FSIP1: variants seen among roughly 807,000 people sequenced by gnomAD.
FSIP1 encodes fibrous sheath-interacting protein 1.
Under a neutral mutation model 60.9 loss-of-function variants are expected in FSIP1, and 65 were observed. The ratio of observed to expected loss-of-function variants is 1.07; its 90% CI spans 0.87 to 1.31. The LOEUF (loss-of-function observed/expected upper bound fraction) is 1.31, where lower values mean the gene tolerates loss of function less well. Among genes scored for constraint, FSIP1 ranks in the 40% most tolerant of loss-of-function variants. The pLI, the probability that FSIP1 is intolerant of heterozygous loss-of-function variation, is 0.00. For synonymous variants in FSIP1, 209 were observed against 221.2 expected, an observed-to-expected ratio of 0.94 and a Z score of 0.49; for missense variants, 675 against 665.5, an observed-to-expected ratio of 1.01 and a Z score of -0.16.
chr15:39,695,346 T>G (rs1457860322), intron 10 of FSIP1, among the ~76,000 whole-genome samples: 2 of 151,700 alleles, frequency 1.3e-5, no homozygotes, highest in Non-Finnish European at 2.9e-5. Context: ...TCTGCTTGCC[T>G]CACTCTGCTC....
At chr15:39,625,844 A>AC (rs1383593594) in intron 10 of FSIP1, among the ~76,000 whole-genome samples, 1 of 152,000 alleles carries the variant, frequency 6.6e-6, no homozygotes, top group Non-Finnish European at 1.5e-5. Context: ...AACCTACTCC[A>AC]CCCCCTACTC....
intron 9 of FSIP1, among the ~76,000 whole-genome samples, chr15:39,722,067 G>T (rs1186786730): frequency 6.6e-6 from 1 of 152,144 alleles, no homozygotes; most frequent in African/African-American, 2.4e-5. Flanking sequence ...AACTGTATTT[G>T]CAGCTGCTCC....
chr15:39,721,399 T>C (rs1205036467), intron 9 of FSIP1, among the ~76,000 whole-genome samples: 1 of 152,264 alleles, frequency 6.6e-6, no homozygotes, highest in Non-Finnish European at 1.5e-5. Context: ...TTCCTTTCTC[T>C]GTGCTCCCGC....
chr15:39,649,009 T>C (rs1010841943), intron 10 of FSIP1, among the ~76,000 whole-genome samples: 6 of 152,034 alleles, frequency 3.9e-5, no homozygotes, highest in African/African-American at 1.4e-4. Flanking sequence ...GGAATGGAAA[T>C]CTTTATCCAG....
intron 9 of FSIP1, among the ~76,000 whole-genome samples, chr15:39,721,078 G>A (rs1895949557): frequency 6.6e-6 from 1 of 152,182 alleles, no homozygotes; most frequent in African/African-American, 2.4e-5. Context: ...GCATCTATAT[G>A]AGAACATCAC....
chr15:39,614,113 A>AT (rs1891130929), intron 11 of FSIP1, among the ~76,000 whole-genome samples: 1 of 152,190 alleles, frequency 6.6e-6, no homozygotes, highest in Non-Finnish European at 1.5e-5. Flanking sequence ...AAGGCATCCT[A>AT]ATAGGAAATG....
At chr15:39,663,650 T>C (rs1350717238) in intron 10 of FSIP1, among the ~76,000 whole-genome samples, 1 of 152,108 alleles carries the variant, frequency 6.6e-6, no homozygotes, top group Non-Finnish European at 1.5e-5. Context: ...TCATTGAAGG[T>C]AACTTGGGCA....
intron 10 of FSIP1, among the ~76,000 whole-genome samples, chr15:39,629,128 G>A (rs1039632268): frequency 3.9e-5 from 6 of 152,112 alleles, no homozygotes; most frequent in Non-Finnish European, 7.4e-5. Flanking sequence ...ACCAGGAATG[G>A]AGCTTTATGG....
chr15:39,658,270 T>C (rs2140447758), intron 10 of FSIP1, among the ~76,000 whole-genome samples: 1 of 148,714 alleles, frequency 6.7e-6, no homozygotes, highest in African/African-American at 2.5e-5. Flanking sequence ...TTTTTTTTTT[T>C]TTGAGATGGA....
chr15:39,630,249 A>T (rs1465488418), intron 10 of FSIP1, among the ~76,000 whole-genome samples: 1 of 152,266 alleles, frequency 6.6e-6, no homozygotes, highest in Non-Finnish European at 1.5e-5. Context: ...TATTGTGAAT[A>T]AGAAGTTCCA....
chr15:39,766,032 C>T (rs1289981240), intron 3 of FSIP1, among the ~76,000 whole-genome samples: 6 of 152,156 alleles, frequency 3.9e-5, no homozygotes, highest in South Asian at 2.1e-4. Flanking sequence ...AAGTGATCCT[C>T]GTGATTTTAA....
At chr15:39,743,759 A>G (rs1164511339) in intron 5 of FSIP1, among the ~76,000 whole-genome samples, 1 of 152,220 alleles carries the variant, frequency 6.6e-6, no homozygotes, top group Admixed American at 6.5e-5. Flanking sequence ...CAGGACAATC[A>G]CCGTCATGCA....
chr15:39,654,276 T>C (rs1323472825), intron 10 of FSIP1, among the ~76,000 whole-genome samples: 2 of 152,252 alleles, frequency 1.3e-5, no homozygotes, highest in Non-Finnish European at 2.9e-5. Flanking sequence ...CATAATTGTA[T>C]GTGCCATACT....
At chr15:39,718,744 G>A (rs906807648) in intron 9 of FSIP1, among the ~76,000 whole-genome samples, 5 of 151,986 alleles carry the variant, frequency 3.3e-5, no homozygotes, top group Non-Finnish European at 7.4e-5. Context: ...GGATCCTCCC[G>A]CCTCAGCCTC....
In FSIP1 at chr15:39,779,888, A is replaced by G. The variant is rs774853288; in HGVS notation, c.-8+2740T>C. Reference sequence around the variant, plus strand: ...AAAGAAAATGAATCCTCCTCTGTTTAGTCATTATGAGTAGCAAGACTTTAA... The same window carrying G: ...AAAGAAAATGAATCCTCCTCTGTTTGGTCATTATGAGTAGCAAGACTTTAA... On this transcript the variant is annotated intron_variant, in intron 1 of 11. Coordinates refer to ENST00000350221, the MANE Select transcript of FSIP1 (RefSeq NM_152597.5). 5.3e-5 allele frequency among the ~76,000 whole-genome samples: 8 copies of G among 152,236 alleles called. 1 individual carries two copies. Among genetic ancestry groups the G allele is most frequent in the Non-Finnish European group, 1.2e-4 (8 of 68,044 alleles).
intron 10 of FSIP1, among the ~76,000 whole-genome samples, chr15:39,666,809 C>G (rs1403431475): frequency 6.6e-6 from 1 of 152,188 alleles, no homozygotes; most frequent in East Asian, 1.9e-4. Context: ...CAGCAGGATG[C>G]AGATTCCTTT....
chr15:39,629,216 T>C (rs946164510), intron 10 of FSIP1, among the ~76,000 whole-genome samples: 1 of 151,452 alleles, frequency 6.6e-6, no homozygotes, highest in Non-Finnish European at 1.5e-5. Flanking sequence ...GGGGAGGGGG[T>C]GCTACAGAGG....
chr15:39,660,647 T>C (rs1893260356), intron 10 of FSIP1, among the ~76,000 whole-genome samples: 2 of 152,234 alleles, frequency 1.3e-5, no homozygotes, highest in Non-Finnish European at 2.9e-5. Flanking sequence ...AAAGATTATT[T>C]AGAGTAACAT....
chr15:39,770,722 T>C, intron 2 of FSIP1, 112 bp from the exon 3 acceptor site: 1 of 590,958 alleles, frequency 1.7e-6, no homozygotes, highest in East Asian at 3.0e-5. Context: ...TGTACATAAA[T>C]GCATACACTA....
Sources: gnomAD v4.1 joint callset for allele counts (sites outside exome capture counted in the v4.1 genomes callset) on GRCh38, gnomAD v4.1.1 for gene constraint, MANE v1.5 for transcripts, NCBI Gene and HGNC (gene_info 2026-07-23, HGNC 2026-07-21) for gene names.